The following FRS2 variants were observed in gnomAD, a reference collection of about 807,000 sequenced individuals.
FRS2 encodes FGFR signalling adaptor.
A neutral mutation model predicts 43.9 loss-of-function variants in FRS2; 8 were observed. The observed-to-expected ratio is 0.18, with a 90% CI of 0.11 to 0.33. The LOEUF (loss-of-function observed/expected upper bound fraction) is 0.33. FRS2 is among the 10% of genes least tolerant of loss of function. The probability of loss-of-function intolerance (pLI) is 1.00; values close to 1 mark genes in which losing one functional copy is unlikely to be tolerated. For synonymous variants in FRS2, 219 were observed against 220.3 expected (o/e 0.99, Z 0.05); for missense variants, 534 against 627.6 (o/e 0.85, Z 1.59).
At chr12:69,471,473 G>A (rs1592894207) in intron 1 of FRS2, among the ~76,000 whole-genome samples, 2 of 152,236 alleles carry the variant, frequency 1.3e-5, no homozygotes, top group East Asian at 3.8e-4. Context: ...TTTCTTGAGA[G>A]ATTCCTTACA....
chr12:69,538,022 TG>T (rs1877475058), intron 3 of FRS2: 3 of 152,482 alleles, frequency 2.0e-5, no homozygotes, highest in Non-Finnish European at 4.4e-5. Context: ...TTGTGGATTT[TG>T]GGATTTGCAA....
intron 1 of FRS2, among the ~76,000 whole-genome samples, chr12:69,489,402 G>T (rs1872245267): frequency 6.6e-6 from 1 of 152,170 alleles, no homozygotes; most frequent in African/African-American, 2.4e-5. Context: ...TGGTTAGGTG[G>T]CTTCCGCCTA....
At chr12:69,521,143 T>TG (rs1653437986) in intron 1 of FRS2, among the ~76,000 whole-genome samples, 1 of 152,186 alleles carries the variant, frequency 6.6e-6, no homozygotes, top group Non-Finnish European at 1.5e-5. Flanking sequence ...TATTCCTAGG[T>TG]ATTTTTTTTG....
intron 1 of FRS2, among the ~76,000 whole-genome samples, chr12:69,518,010 T>A (rs1050411055): frequency 2.6e-5 from 4 of 152,180 alleles, no homozygotes; most frequent in Non-Finnish European, 5.9e-5. Context: ...GCATTTTTTT[T>A]ATGTATAAGG....
At chr12:69,517,826 T>C (rs1367617645) in intron 1 of FRS2, among the ~76,000 whole-genome samples, 2 of 152,200 alleles carry the variant, frequency 1.3e-5, no homozygotes, top group Non-Finnish European at 2.9e-5. Context: ...TTGAGTTCTT[T>C]CCTTGCTCAT....
rs139419372 is a variant in FRS2, at chr12:69,524,153, G to A, written c.-260-6712G>A. ...CTGCTGTTCTCCATGCTTAGTTTTGGGCAGGCAGCAGTGTCGGCGGCAGGG... is the reference window on the plus strand; with the variant it reads ...CTGCTGTTCTCCATGCTTAGTTTTGAGCAGGCAGCAGTGTCGGCGGCAGGG... On this transcript the variant is annotated intron_variant, in intron 1 of 8. Coordinates refer to ENST00000549921, the MANE Select transcript of FRS2 (RefSeq NM_001278356.2). Among the ~76,000 whole-genome samples, 886 of 152,222 alleles carry A rather than the reference G, an allele frequency of 5.8e-3. 8 individuals are homozygous for A. Among genetic ancestry groups the A allele is most frequent in the African/African-American group, 0.02 (851 of 41,548 alleles).
chr12:69,547,760 C>T (rs2135725938), intron 3 of FRS2, among the ~76,000 whole-genome samples: 1 of 148,760 alleles, frequency 6.7e-6, no homozygotes, highest in East Asian at 2.0e-4. Flanking sequence ...GTATCTTTGA[C>T]ATATGTTTGT....
At chr12:69,546,152 G>C (rs773084053) in intron 3 of FRS2, among the ~76,000 whole-genome samples, 16 of 152,042 alleles carry the variant, frequency 1.1e-4, no homozygotes, top group Non-Finnish European at 2.2e-4. Flanking sequence ...CACCAAAGAA[G>C]ATATACAAAG....
In FRS2 at chr12:69,575,323, C is replaced by T. The variant is rs1041171249; in HGVS notation, c.*368C>T. ...TTTTATAAAGCCTCTTGACAATGTA[C>T]ATTGCTAACAGGTAACTATAGGCTT... is the stretch of plus-strand genomic sequence containing the variant. On this transcript the variant is annotated 3_prime_UTR_variant, in exon 9 of 9. Coordinates refer to ENST00000549921, the MANE Select transcript of FRS2 (RefSeq NM_001278356.2). 5.1e-6 allele frequency: 1 copy of T among 194,632 alleles called. No individual in the cohort carries two copies. Among genetic ancestry groups the T allele is most frequent in the East Asian group, 1.3e-4 (1 of 7,792 alleles). 12.1% of individuals were successfully genotyped at this position (194,632 alleles called of 1,614,324 possible). A position where few individuals can be genotyped will look rare whatever the true frequency, so the allele number is the denominator to read the frequency against.
At chr12:69,485,082 A>AACACACACACACACACACACACACACAC (rs71094716) in intron 1 of FRS2, among the ~76,000 whole-genome samples, 10 of 85,346 alleles carry the variant, frequency 1.2e-4, no homozygotes, top group African/African-American at 1.7e-4. Flanking sequence ...CTCATCTTAA[A>AACACACACACACACACACACACACACAC]ACACACACAC....
At chr12:69,540,271 T>A (rs1877768764) in intron 3 of FRS2, among the ~76,000 whole-genome samples, 2 of 144,054 alleles carry the variant, frequency 1.4e-5, no homozygotes, top group Admixed American at 6.9e-5. Context: ...TAAATAAAAT[T>A]AAAAAAAATT....
intron 1 of FRS2, among the ~76,000 whole-genome samples, chr12:69,488,612 T>C (rs1045743666): frequency 7.9e-5 from 12 of 152,174 alleles, no homozygotes; most frequent in Non-Finnish European, 1.8e-4. Flanking sequence ...GGTATGCTTG[T>C]ATATAAAATC....
At chr12:69,472,308 G>A (rs2120555635) in intron 1 of FRS2, among the ~76,000 whole-genome samples, 1 of 150,192 alleles carries the variant, frequency 6.7e-6, no homozygotes, top group African/African-American at 2.5e-5. Context: ...GCCCAGGCTG[G>A]TCTTGAACTC....
chr12:69,496,311 C>A (rs1250468851), intron 1 of FRS2, among the ~76,000 whole-genome samples: 2 of 152,118 alleles, frequency 1.3e-5, no homozygotes, highest in Non-Finnish European at 2.9e-5. Flanking sequence ...GTGGTGGGCA[C>A]CTGTAATCCC....
At chr12:69,567,110 T>C (rs1593066569) in intron 4 of FRS2, among the ~76,000 whole-genome samples, 1 of 152,222 alleles carries the variant, frequency 6.6e-6, no homozygotes, top group African/African-American at 2.4e-5. Flanking sequence ...GTGCCCACAG[T>C]ACTCTGCTCA....
intron 3 of FRS2, among the ~76,000 whole-genome samples, chr12:69,535,595 T>C (rs1877195236): frequency 2.0e-5 from 3 of 152,212 alleles, no homozygotes; most frequent in Non-Finnish European, 4.4e-5. Flanking sequence ...TCCTCCCACC[T>C]AGAATATGGC....
At chr12:69,523,326 GT>G (rs886528998) in intron 1 of FRS2, among the ~76,000 whole-genome samples, 55 of 152,144 alleles carry the variant, frequency 3.6e-4, no homozygotes, top group African/African-American at 1.3e-3. Context: ...ACCTTTTACC[GT>G]TATGTAATGC....
intron 3 of FRS2, chr12:69,537,844 T>G (rs1877460080): frequency 6.6e-6 from 1 of 152,648 alleles, no homozygotes; most frequent in Non-Finnish European, 1.5e-5. Context: ...TTCATGTTAC[T>G]TATGCCTTTT....
chr12:69,520,614 C>G (rs1158444255), intron 1 of FRS2, among the ~76,000 whole-genome samples: 1 of 151,976 alleles, frequency 6.6e-6, no homozygotes, highest in Admixed American at 6.6e-5. Flanking sequence ...GAAAGGGATC[C>G]AGTTTCAGTC....
Sources: allele counts gnomAD v4.1 joint callset (sites outside exome capture counted in the v4.1 genomes callset), GRCh38; gene constraint gnomAD v4.1.1; transcripts MANE v1.5; gene names NCBI Gene and HGNC (gene_info 2026-07-23, HGNC 2026-07-21).